MARCHF4: variants seen among roughly 807,000 people sequenced by gnomAD.
MARCHF4 encodes the protein membrane associated ring-CH-type finger 4, also known as E3 ubiquitin-protein ligase MARCHF4.
MARCHF4 carries 14 observed loss-of-function variants against 43.9 expected under a neutral mutation model. That is an observed-to-expected ratio of 0.32 (90% CI 0.21 to 0.50). The LOEUF (loss-of-function observed/expected upper bound fraction) is 0.50. MARCHF4 is among the 20% of genes least tolerant of loss of function. The probability of loss-of-function intolerance (pLI) is 0.98; values close to 1 mark genes in which losing one functional copy is unlikely to be tolerated. For missense variants in MARCHF4, 468 were observed against 536.7 expected, an observed-to-expected ratio of 0.87 and a Z score of 1.27; for synonymous variants, 226 against 213.3, an observed-to-expected ratio of 1.06 and a Z score of -0.52.
At chr2:216,310,375 C>A (rs564673971) in intron 1 of MARCHF4, among the ~76,000 whole-genome samples, 3 of 152,186 alleles carry the variant, frequency 2.0e-5, no homozygotes, top group African/African-American at 2.4e-5. Context: ...AATCCTCCCC[C>A]CTCAGCCTCC....
chr2:216,367,714 G>T (rs1692687814), intron 1 of MARCHF4, among the ~76,000 whole-genome samples: 1 of 152,088 alleles, frequency 6.6e-6, no homozygotes, highest in Admixed American at 6.5e-5. Context: ...CTTTATTTAT[G>T]ACACCCCATC....
In MARCHF4 at chr2:216,326,921, C is replaced by G. The variant is rs201354106; in HGVS notation, c.516+42824G>C. ...ACACATGTATACATACGTAACTAAC[C>G]TGCACATTGTGCACATGCACCCTAA... On this transcript the variant is annotated intron_variant, in intron 1 of 3. Coordinates refer to ENST00000273067, the MANE Select transcript of MARCHF4 (RefSeq NM_020814.3). Among the ~76,000 whole-genome samples, 3 of 151,946 alleles carry G rather than the reference C, an allele frequency of 2.0e-5. No individual in the cohort carries two copies. In the East Asian group the frequency reaches 5.8e-4, roughly 29 times the overall value.
intron 1 of MARCHF4, among the ~76,000 whole-genome samples, chr2:216,343,886 G>C (rs1410195396): frequency 2.0e-5 from 3 of 152,164 alleles, no homozygotes; most frequent in African/African-American, 4.8e-5. Context: ...GATATGAATA[G>C]TAATATCTGT....
At chr2:216,361,087 TA>T (rs1484464236) in intron 1 of MARCHF4, among the ~76,000 whole-genome samples, 3 of 151,754 alleles carry the variant, frequency 2.0e-5, no homozygotes, top group South Asian at 2.1e-4. Flanking sequence ...TTAAGCCCAT[TA>T]AAAAAAAGAA....
intron 1 of MARCHF4, among the ~76,000 whole-genome samples, chr2:216,354,898 T>TCTTTCTTTCTTTCTTCCTTC (rs1559106488): frequency 2.2e-5 from 1 of 44,680 alleles, no homozygotes; most frequent in Non-Finnish European, 4.0e-5. Flanking sequence ...TTGTTTTCTT[T>TCTTTCTTTCTTTCTTCCTTC]CTTTCTTTCT....
chr2:216,353,739 G>C (rs1371318659), intron 1 of MARCHF4, among the ~76,000 whole-genome samples: 2 of 152,148 alleles, frequency 1.3e-5, no homozygotes, highest in Non-Finnish European at 2.9e-5. Flanking sequence ...GTAGAGACAG[G>C]GTTTTGCCAT....
chr2:216,354,487 C>G (rs541515192), intron 1 of MARCHF4, among the ~76,000 whole-genome samples: 1 of 152,124 alleles, frequency 6.6e-6, no homozygotes, highest in Non-Finnish European at 1.5e-5. Flanking sequence ...CCCTGGTCCA[C>G]GGCACTCATT....
chr2:216,274,090 CT>C (rs1244776923), intron 3 of MARCHF4, among the ~76,000 whole-genome samples: 3 of 152,220 alleles, frequency 2.0e-5, no homozygotes, highest in Non-Finnish European at 2.9e-5. Context: ...TGGCTTTGGG[CT>C]TCCCCGAGCA....
chr2:216,295,559 A>G (rs1445311356), intron 1 of MARCHF4, among the ~76,000 whole-genome samples: 2 of 152,212 alleles, frequency 1.3e-5, no homozygotes, highest in Non-Finnish European at 2.9e-5. Context: ...TTGTGGTGTC[A>G]TTGTTGGCTT....
chr2:216,284,336 C>T (rs1691184818), intron 1 of MARCHF4, among the ~76,000 whole-genome samples: 1 of 152,112 alleles, frequency 6.6e-6, no homozygotes, highest in African/African-American at 2.4e-5. Flanking sequence ...ATCAGAGAGG[C>T]AGAGGACTCA....
At chr2:216,302,503 C>G (rs532337982) in intron 1 of MARCHF4, among the ~76,000 whole-genome samples, 1 of 151,890 alleles carries the variant, frequency 6.6e-6, no homozygotes, top group South Asian at 2.1e-4. Context: ...GCTGGGATTA[C>G]AGGCATGAGC....
chr2:216,334,441 C>T (rs1232782708), intron 1 of MARCHF4, among the ~76,000 whole-genome samples: 1 of 151,934 alleles, frequency 6.6e-6, no homozygotes. Context: ...TGCTCTGTTG[C>T]CCAGGGTGGA....
intron 1 of MARCHF4, among the ~76,000 whole-genome samples, chr2:216,287,502 A>G (rs73988352): frequency 0.019 from 2,831 of 151,930 alleles, 95 homozygotes; most frequent in African/African-American, 0.063. Flanking sequence ...AAACAAGAAA[A>G]ATGGGATCTT....
intron 1 of MARCHF4, among the ~76,000 whole-genome samples, chr2:216,365,810 G>T (rs1002733915): frequency 6.6e-6 from 1 of 152,112 alleles, no homozygotes; most frequent in African/African-American, 2.4e-5. Context: ...ATCTCTATCA[G>T]CCCCTGTGAT....
At chr2:216,354,926 T>TCTTC (rs1692467129) in intron 1 of MARCHF4, among the ~76,000 whole-genome samples, 3 of 126,600 alleles carry the variant, frequency 2.4e-5, no homozygotes, top group Non-Finnish European at 4.9e-5. Flanking sequence ...TTTCTTTCTT[T>TCTTC]CTTTCTTTCT....
intron 3 of MARCHF4, among the ~76,000 whole-genome samples, chr2:216,273,017 G>A (rs1194555764): frequency 6.6e-6 from 1 of 152,226 alleles, no homozygotes; most frequent in African/African-American, 2.4e-5. Flanking sequence ...AGAGCCAGTT[G>A]GATGGATACA....
chr2:216,354,018 C>G (rs950848085), intron 1 of MARCHF4, among the ~76,000 whole-genome samples: 1 of 152,176 alleles, frequency 6.6e-6, no homozygotes, highest in Non-Finnish European at 1.5e-5. Context: ...TTCAATCAAC[C>G]AAGATGGCTT....
chr2:216,322,126 T>G (rs1346581985), intron 1 of MARCHF4, among the ~76,000 whole-genome samples: 2 of 152,160 alleles, frequency 1.3e-5, no homozygotes, highest in African/African-American at 4.8e-5. Flanking sequence ...GGTAAATAAC[T>G]GAATTGCCAA....
At chr2:216,295,836 G>C (rs1691382110) in intron 1 of MARCHF4, among the ~76,000 whole-genome samples, 1 of 152,204 alleles carries the variant, frequency 6.6e-6, no homozygotes, top group African/African-American at 2.4e-5. Context: ...GTTGTGTCAA[G>C]GGGAGGAAAG....
Sources: allele counts gnomAD v4.1 joint callset (sites outside exome capture counted in the v4.1 genomes callset), GRCh38; gene constraint gnomAD v4.1.1; transcripts MANE v1.5; gene names NCBI Gene and HGNC (gene_info 2026-07-23, HGNC 2026-07-21).